Variants in SOX6 observed in about 807,000 individuals in gnomAD.
SOX6 encodes transcription factor SOX-6.
SOX6 carries 11 observed loss-of-function variants against 97.8 expected under a neutral mutation model. The observed-to-expected ratio is 0.11, with a 90% confidence interval of 0.07 to 0.19. SOX6 has a LOEUF of 0.19. Ranked by LOEUF, SOX6 falls within the 10% of genes least tolerant of loss-of-function variation. SOX6 has a pLI of 1.00. For missense variants in SOX6, 810 were observed against 1,039.5 expected, an observed-to-expected ratio of 0.78 and a Z score of 3.04; for synonymous variants, 360 against 371.4, an observed-to-expected ratio of 0.97 and a Z score of 0.35.
chr11:16,334,479 G>A (rs1051778772), intron 2 of SOX6, among the ~76,000 whole-genome samples: 16 of 151,438 alleles, frequency 1.1e-4, no homozygotes, highest in Admixed American at 7.9e-4. Context: ...CCAGGCTGGA[G>A]TGCAGTGGCA....
chr11:16,483,660 TA>T (rs1472554799), intron 4 of SOX6, among the ~76,000 whole-genome samples: 2 of 146,162 alleles, frequency 1.4e-5, no homozygotes, highest in Non-Finnish European at 1.5e-5. Context: ...CAGGCTATAC[TA>T]CATTTGCAAT....
chr11:16,392,580 G>C (rs1488340249), intron 1 of SOX6, among the ~76,000 whole-genome samples: 2 of 152,016 alleles, frequency 1.3e-5, no homozygotes, highest in African/African-American at 4.8e-5. Context: ...TCTTCCAAAT[G>C]CAGATTAAAA....
chr11:16,341,183 C>T lies in SOX6; in HGVS notation c.66G>A (p.Gln22=). 2 of 1,613,406 alleles carry T rather than the reference C, an allele frequency of 1.2e-6. No homozygotes were observed. The highest frequency in any genetic ancestry group is 1.7e-6 in the Non-Finnish European group (2 of 1,179,602). The change falls in exon 2 of 16, where the codon CAG becomes CAA. Residue 22 remains glutamine (Q), a synonymous_variant. Coordinates refer to ENST00000683767, the MANE Select transcript of SOX6 (RefSeq NM_001367873.1). The part of the protein sequence containing the change: ...CAADGEDAMT[Q]DLTSREKEEG... ...CTTCCTTTTCCCTTGAGGTTAAATC[C>T]TGGGTCATTGCATCCTCTCCATCAG...
intron 4 of SOX6, chr11:16,484,686 C>A: frequency 1.6e-6 from 1 of 608,704 alleles, no homozygotes; most frequent in Non-Finnish European, 3.0e-6. Context: ...GCTGCGCTCC[C>A]CAGACTCCCA....
At chr11:16,165,527 C>T (rs1249570366) in intron 6 of SOX6, among the ~76,000 whole-genome samples, 1 of 152,112 alleles carries the variant, frequency 6.6e-6, no homozygotes, top group Non-Finnish European at 1.5e-5. Flanking sequence ...CCTTACTATT[C>T]CTTTCTGAAG....
At chr11:16,287,672 T>G (rs1854793565) in intron 3 of SOX6, among the ~76,000 whole-genome samples, 1 of 152,106 alleles carries the variant, frequency 6.6e-6, no homozygotes, top group African/African-American at 2.4e-5. Context: ...CTCAAAATTT[T>G]TATGAGGCTG....
chr11:16,389,953 G>C (rs1011326769), intron 1 of SOX6, among the ~76,000 whole-genome samples: 4 of 99,510 alleles, frequency 4.0e-5, no homozygotes, highest in African/African-American at 1.5e-4. Context: ...CTGGGCGACA[G>C]GGCAAGACTC....
chr11:16,046,848 A>G (rs758671751), intron 11 of SOX6, 147 bp from the exon 12 acceptor site: 2 of 853,720 alleles, frequency 2.3e-6, no homozygotes, highest in African/African-American at 1.7e-5. Flanking sequence ...GCTAATATAC[A>G]TAGAACACAG....
intron 6 of SOX6, among the ~76,000 whole-genome samples, chr11:16,146,182 C>T (rs990445187): frequency 2.6e-5 from 4 of 152,114 alleles, no homozygotes; most frequent in Admixed American, 6.6e-5. Context: ...GAACAGAGCC[C>T]TCAGAAATAA....
At position 16,079,692 on chromosome 11, in the gene SOX6, C is replaced by T. The variant is rs554957445; in HGVS notation, c.1101+16304G>A. 3.3e-5 allele frequency among the ~76,000 whole-genome samples: 5 copies of T among 152,178 alleles called. No individual in the cohort carries two copies. In the South Asian group the frequency reaches 1.0e-3, roughly 32 times the overall value. On this transcript the variant is annotated intron_variant, in intron 9 of 15. Coordinates refer to ENST00000683767, the MANE Select transcript of SOX6 (RefSeq NM_001367873.1). ...ATATCGTCTTCTTACTTTCTTCTTA[C>T]ATTTTCTTCTGTATTTTTTAAATTA...
At chr11:16,132,398 GAAAAAAGA>G (rs1310194866) in intron 6 of SOX6, among the ~76,000 whole-genome samples, 3 of 48,172 alleles carry the variant, frequency 6.2e-5, no homozygotes, top group African/African-American at 9.5e-5. Flanking sequence ...AAGAAAGAAA[GAAAAAAGA>G]AAGAAAGAAA....
intron 1 of SOX6, among the ~76,000 whole-genome samples, chr11:16,345,887 AT>A (rs1050386576): frequency 2.6e-5 from 4 of 152,016 alleles, no homozygotes; most frequent in African/African-American, 4.8e-5. Flanking sequence ...CAAAACTGTC[AT>A]TTGAAGCTTA....
At chr11:16,160,555 C>T (rs1468571266) in intron 6 of SOX6, among the ~76,000 whole-genome samples, 2 of 152,028 alleles carry the variant, frequency 1.3e-5, no homozygotes, top group Non-Finnish European at 2.9e-5. Context: ...GGGGTGGAGG[C>T]TAATGTGGTT....
At chr11:16,103,955 C>G (rs557729613) in intron 7 of SOX6, among the ~76,000 whole-genome samples, 11 of 151,860 alleles carry the variant, frequency 7.2e-5, no homozygotes, top group Middle Eastern at 3.4e-3. Flanking sequence ...ACCAAAATCT[C>G]AGAAATCACC....
intron 13 of SOX6, among the ~76,000 whole-genome samples, chr11:15,998,056 G>T (rs973388643): frequency 6.6e-6 from 1 of 150,484 alleles, no homozygotes; most frequent in African/African-American, 2.4e-5. Context: ...CTCCAGCCTG[G>T]GCAATAGAGC....
In SOX6 at chr11:16,427,329, C is replaced by CTT. The variant is rs57515414; in HGVS notation, c.-5+48984_-5+48985dup. On this transcript the variant is annotated intron_variant, in intron 1 of 15. Transcript: ENST00000396356. Reference sequence around the variant, plus strand: ...GCAACGGACATGACCATGCACTTTTCTTTTTTTTTTTTAATTATACTTTAA... The same window carrying CTT: ...GCAACGGACATGACCATGCACTTTTCTTTTTTTTTTTTTTAATTATACTTTAA... Among the ~76,000 whole-genome samples, 917 of 145,948 alleles carry CTT rather than the reference C, an allele frequency of 6.3e-3. 8 individuals are homozygous for CTT. The highest frequency in any genetic ancestry group is 0.02 in the African/African-American group (794 of 39,988).
At chr11:16,210,846 T>A (rs942360054) in intron 4 of SOX6, among the ~76,000 whole-genome samples, 1 of 152,064 alleles carries the variant, frequency 6.6e-6, no homozygotes, top group Non-Finnish European at 1.5e-5. Context: ...ATACAAGAAA[T>A]GACCAATTAA....
intron 1 of SOX6, among the ~76,000 whole-genome samples, chr11:16,463,621 T>C (rs1859974094): frequency 6.6e-6 from 1 of 152,200 alleles, no homozygotes; most frequent in African/African-American, 2.4e-5. Flanking sequence ...TTAACTTCTC[T>C]ATGCCAAGTA....
At chr11:16,051,113 C>T (rs1411598644) in intron 10 of SOX6, among the ~76,000 whole-genome samples, 2 of 151,260 alleles carry the variant, frequency 1.3e-5, no homozygotes, top group East Asian at 1.9e-4. Flanking sequence ...TAAGGGGGAA[C>T]AGAAAGAGAG....
Sources: allele counts gnomAD v4.1 joint callset (sites outside exome capture counted in the v4.1 genomes callset), GRCh38; gene constraint gnomAD v4.1.1; transcripts MANE v1.5; gene names NCBI Gene and HGNC (gene_info 2026-07-23, HGNC 2026-07-21).